The following C5orf24 variants were observed in gnomAD, a reference collection of about 807,000 sequenced individuals.
C5orf24 encodes chromosome 5 open reading frame 24, also known as UPF0461 protein C5orf24.
C5orf24 carries 4 observed loss-of-function variants against 9.8 expected under a neutral mutation model. The observed-to-expected ratio is 0.41, with a 90% CI of 0.20 to 0.93. C5orf24 has a LOEUF of 0.93. C5orf24 is among the 40% of genes least tolerant of loss of function. The probability of loss-of-function intolerance (pLI) is 0.33; values close to 1 mark genes in which losing one functional copy is unlikely to be tolerated. For synonymous variants in C5orf24, 73 were observed against 81.3 expected (o/e 0.90, Z 0.55); for missense variants, 170 against 236.9 (o/e 0.72, Z 1.85).
intron 1 of C5orf24, among the ~76,000 whole-genome samples, chr5:134,849,878 G>A (rs1446438137): frequency 6.6e-6 from 1 of 151,418 alleles, no homozygotes; most frequent in East Asian, 2.0e-4. Context: ...GGCTGGTCTC[G>A]AACTCCTGAC....
the C5orf24 span, among the ~76,000 whole-genome samples, chr5:134,835,741 G>A: frequency 6.6e-6 from 1 of 151,918 alleles, no homozygotes; most frequent in African/African-American, 2.4e-5. Context: ...TGCCCAGGCT[G>A]GAGTGCAGTG....
the C5orf24 span, among the ~76,000 whole-genome samples, chr5:134,840,574 T>C: frequency 3.3e-5 from 5 of 152,038 alleles, no homozygotes; most frequent in African/African-American, 4.8e-5. Context: ...CACTCTGTCA[T>C]TCAATCTGAA....
upstream of C5orf24, chr5:134,845,918 G>T (rs1755975640): frequency 1.3e-5 from 2 of 152,282 alleles, no homozygotes; most frequent in South Asian, 4.1e-4. Context: ...CTCGCGATGC[G>T]AGTGAGCGTG....
the C5orf24 span, among the ~76,000 whole-genome samples, chr5:134,840,502 A>G: frequency 2.6e-5 from 4 of 151,790 alleles, no homozygotes; most frequent in Non-Finnish European, 5.9e-5. Flanking sequence ...AGCCTCTCAA[A>G]ATGCTGGGAT....
intron 1 of C5orf24, 145 bp downstream of exon 1, chr5:134,846,357 G>C (rs1387227028): frequency 6.6e-6 from 1 of 152,204 alleles, no homozygotes; most frequent in African/African-American, 2.4e-5. Flanking sequence ...CCCGGACGTA[G>C]CCTGCTCTTC....
Position 134,858,887 on chromosome 5 carries a change from A to T in C5orf24, c.*3420A>T, listed in dbSNP as rs1443208812. The stretch of plus-strand genomic sequence containing the variant: ...AAATCAATGTTTTAATTAGACTAAA[A>T]ATTCTTTATATTTTTTATTTACTTT... On this transcript the variant is annotated 3_prime_UTR_variant, in exon 2 of 2. Coordinates refer to ENST00000394976, the MANE Select transcript of C5orf24 (RefSeq NM_001135586.1). 2 of 166,684 alleles carry T rather than the reference A, an allele frequency of 1.2e-5. No individual in the cohort carries two copies. The highest frequency in any genetic ancestry group is 3.8e-4 in the East Asian group (2 of 5,206). The allele number at this position is 166,684 out of a possible 1,614,324, so 10.3% of individuals were successfully genotyped here.
the C5orf24 span, among the ~76,000 whole-genome samples, chr5:134,840,405 T>C: frequency 6.6e-6 from 1 of 152,040 alleles, no homozygotes; most frequent in East Asian, 1.9e-4. Flanking sequence ...GTCCAGGTCT[T>C]GCTCTGTTGT....
upstream of C5orf24, among the ~76,000 whole-genome samples, chr5:134,842,909 A>G: frequency 6.6e-6 from 1 of 152,106 alleles, no homozygotes; most frequent in East Asian, 1.9e-4. Context: ...TTCAAATCCA[A>G]ACTCGAAACT....
the C5orf24 span, among the ~76,000 whole-genome samples, chr5:134,836,376 T>G: frequency 1.3e-5 from 2 of 152,296 alleles, no homozygotes; most frequent in African/African-American, 4.8e-5. Context: ...TTTTACCATG[T>G]TGGTCAGGCT....
chr5:134,849,796 T>TA (rs1213137039), intron 1 of C5orf24, among the ~76,000 whole-genome samples: 3 of 151,844 alleles, frequency 2.0e-5, no homozygotes, highest in African/African-American at 4.8e-5. Context: ...TAGCTGGGAT[T>TA]ACAAGTGCAT....
intron 1 of C5orf24, among the ~76,000 whole-genome samples, chr5:134,850,562 T>A (rs1756129686): frequency 6.6e-6 from 1 of 151,504 alleles, no homozygotes; most frequent in African/African-American, 2.4e-5. Context: ...AACCTCCACC[T>A]TCTGGGTTCA....
chr5:134,852,698 T>C (rs549359622), intron 1 of C5orf24, among the ~76,000 whole-genome samples: 80 of 152,320 alleles, frequency 5.3e-4, no homozygotes, highest in African/African-American at 1.9e-3. Context: ...CCCATATCTT[T>C]ATCTCTTTTA....
chr5:134,853,969 A>G (rs936546252), intron 1 of C5orf24, among the ~76,000 whole-genome samples: 3 of 152,156 alleles, frequency 2.0e-5, no homozygotes, highest in African/African-American at 7.2e-5. Context: ...AGTCCCAGCT[A>G]TTCAGGAGGC....
chr5:134,837,722 A>G, the C5orf24 span, among the ~76,000 whole-genome samples: 1 of 151,910 alleles, frequency 6.6e-6, no homozygotes, highest in African/African-American at 2.4e-5. Flanking sequence ...ACCAGACACC[A>G]AATTGGCCAG....
rs776677301 is a variant in C5orf24, at chr5:134,855,449, C to T, written c.549C>T (p.Val183=). 2.4e-5 allele frequency: 38 copies of T among 1,613,988 alleles called. No homozygotes were observed. The highest frequency in any genetic ancestry group is 1.6e-4 in the Middle Eastern group (1 of 6,084). Residue 183 remains valine, a synonymous_variant, in exon 2 of 2, where the codon GTC becomes GTT. Coordinates refer to ENST00000394976, the MANE Select transcript of C5orf24 (RefSeq NM_001135586.1). The part of the protein sequence containing the change: ...VHGVEETSSE[V]KPPNE Reference sequence around the variant, plus strand: ...GGGTAGAGGAAACTAGCAGTGAAGTCAAACCACCCAATGAGTGAATGAGGC... The same window carrying T: ...GGGTAGAGGAAACTAGCAGTGAAGTTAAACCACCCAATGAGTGAATGAGGC...
intron 1 of C5orf24, among the ~76,000 whole-genome samples, chr5:134,847,117 T>C (rs1462222135): frequency 6.6e-6 from 1 of 152,208 alleles, no homozygotes; most frequent in Non-Finnish European, 1.5e-5. Context: ...AAAGGAATTG[T>C]TCTATAAAGA....
chr5:134,851,060 G>T (rs1190994507), intron 1 of C5orf24, among the ~76,000 whole-genome samples: 1 of 150,182 alleles, frequency 6.7e-6, no homozygotes, highest in Non-Finnish European at 1.5e-5. Flanking sequence ...GTAAGTCACA[G>T]AACTTTTTTT....
chr5:134,837,244 A>T, the C5orf24 span, among the ~76,000 whole-genome samples: 1 of 152,196 alleles, frequency 6.6e-6, no homozygotes, highest in Non-Finnish European at 1.5e-5. Context: ...AAGTGCTGGG[A>T]CTATAGGCGT....
the C5orf24 span, among the ~76,000 whole-genome samples, chr5:134,837,732 G>A: frequency 6.6e-6 from 1 of 151,122 alleles, no homozygotes; most frequent in South Asian, 2.1e-4. Flanking sequence ...AAATTGGCCA[G>A]TACTTTGACC....
Sources: allele counts gnomAD v4.1 joint callset (sites outside exome capture counted in the v4.1 genomes callset), GRCh38; gene constraint gnomAD v4.1.1; transcripts MANE v1.5; gene names NCBI Gene and HGNC (gene_info 2026-07-23, HGNC 2026-07-21).